The following ZFAT variants were observed in gnomAD, a reference collection of about 807,000 sequenced individuals.
The protein encoded by ZFAT is zinc finger protein ZFAT.
ZFAT carries 64 observed loss-of-function variants against 117.7 expected under a neutral mutation model. That is an observed-to-expected ratio of 0.54 (90% confidence interval 0.44 to 0.67). The LOEUF is 0.67. ZFAT is among the 30% of genes least tolerant of loss of function. The pLI, the probability that ZFAT is intolerant of heterozygous loss-of-function variation, is 0.00. For missense variants in ZFAT, 1,433 were observed against 1,584.5 expected (o/e 0.90, Z 1.62); for synonymous variants, 679 against 615.0 (o/e 1.10, Z -1.54).
chr8:134,495,999 A>G (rs745555779), intron 15 of ZFAT, among the ~76,000 whole-genome samples: 1 of 152,158 alleles, frequency 6.6e-6, no homozygotes, highest in Non-Finnish European at 1.5e-5. Flanking sequence ...CCTAGACAAC[A>G]CCAGCATCAG....
chr8:134,713,204 T>A (rs545328644), upstream of ZFAT, among the ~76,000 whole-genome samples: 2 of 152,162 alleles, frequency 1.3e-5, no homozygotes, highest in Admixed American at 1.3e-4. Flanking sequence ...CGCCGCGTTT[T>A]GAGCCACGCC....
At chr8:134,506,840 A>G (rs1819453458) in intron 15 of ZFAT, among the ~76,000 whole-genome samples, 1 of 152,256 alleles carries the variant, frequency 6.6e-6, no homozygotes, top group Non-Finnish European at 1.5e-5. Context: ...AGAGATCCAA[A>G]AAGATCTCAA....
intron 15 of ZFAT, among the ~76,000 whole-genome samples, chr8:134,503,463 T>C (rs1006324572): frequency 6.6e-6 from 1 of 152,172 alleles, no homozygotes; most frequent in African/African-American, 2.4e-5. Flanking sequence ...CCCTGAAACA[T>C]ATTTGTACAT....
chr8:134,742,935 C>T, the ZFAT span, among the ~76,000 whole-genome samples: 1 of 152,234 alleles, frequency 6.6e-6, no homozygotes, highest in East Asian at 1.9e-4. Flanking sequence ...GCCTGACACC[C>T]ATTCAGTGCA....
At chr8:134,684,213 T>C (rs749080696) in intron 1 of ZFAT, among the ~76,000 whole-genome samples, 15 of 152,118 alleles carry the variant, frequency 9.9e-5, no homozygotes, top group Non-Finnish European at 1.9e-4. Context: ...TAACACCCCA[T>C]ACCAGTGCCT....
chr8:134,633,796 A>G (rs1830037987), intron 3 of ZFAT, among the ~76,000 whole-genome samples: 1 of 152,168 alleles, frequency 6.6e-6, no homozygotes, highest in Non-Finnish European at 1.5e-5. Flanking sequence ...TATAATCCCA[A>G]CACTTTGGGA....
chr8:134,776,662 C>T, the ZFAT span, among the ~76,000 whole-genome samples: 7 of 152,272 alleles, frequency 4.6e-5, no homozygotes, highest in East Asian at 5.8e-4. Context: ...CAGTTACGTA[C>T]GAAGCCACAG....
intron 14 of ZFAT, chr8:134,510,254 G>A (rs1819720322): frequency 2.3e-6 from 1 of 429,804 alleles, no homozygotes; most frequent in Non-Finnish European, 4.8e-6. Context: ...AATTGAAGCT[G>A]GGGGTTCTAT....
chr8:134,552,407 T>A (rs1019893438), intron 11 of ZFAT, among the ~76,000 whole-genome samples: 1 of 152,234 alleles, frequency 6.6e-6, no homozygotes, highest in Non-Finnish European at 1.5e-5. Flanking sequence ...CAGGAAAAGT[T>A]TCTCAATGAT....
chr8:134,822,815 C>T, the ZFAT span, among the ~76,000 whole-genome samples: 3 of 152,264 alleles, frequency 2.0e-5, no homozygotes, highest in Middle Eastern at 3.4e-3. Flanking sequence ...ACCTACTTCT[C>T]TCACTGCAGG....
chr8:134,674,601 A>C (rs1408360340), intron 1 of ZFAT: 2 of 154,414 alleles, frequency 1.3e-5, no homozygotes, highest in Non-Finnish European at 2.9e-5. Flanking sequence ...CTCTGAAGAG[A>C]GCAGCGGTTC....
chr8:134,814,073 T>C, the ZFAT span, among the ~76,000 whole-genome samples: 5 of 152,098 alleles, frequency 3.3e-5, no homozygotes, highest in Non-Finnish European at 7.4e-5. Context: ...TACAGAAAAT[T>C]ATAAGCTCTT....
At chr8:134,579,601 T>C (rs1825577313) in intron 10 of ZFAT, among the ~76,000 whole-genome samples, 1 of 152,076 alleles carries the variant, frequency 6.6e-6, no homozygotes, top group Non-Finnish European at 1.5e-5. Flanking sequence ...AGCCAAACCA[T>C]ACATCTTCTA....
intron 1 of ZFAT, among the ~76,000 whole-genome samples, chr8:134,704,721 A>G (rs1834102575): frequency 6.6e-6 from 1 of 152,224 alleles, no homozygotes; most frequent in African/African-American, 2.4e-5. Context: ...ATAATTTTCA[A>G]GAAAAGAGCC....
At chr8:134,633,702 T>C (rs902346211) in intron 3 of ZFAT, among the ~76,000 whole-genome samples, 1 of 152,214 alleles carries the variant, frequency 6.6e-6, no homozygotes, top group Admixed American at 6.5e-5. Context: ...AGCCAACGGC[T>C]GAAACATCTG....
chr8:134,670,901 T>TA (rs1432796516), intron 1 of ZFAT, among the ~76,000 whole-genome samples: 1 of 151,764 alleles, frequency 6.6e-6, no homozygotes, highest in Non-Finnish European at 1.5e-5. Flanking sequence ...ATAGACACAA[T>TA]AAAAAATGAT....
At chr8:134,493,097 C>T (rs569728447) in intron 15 of ZFAT, among the ~76,000 whole-genome samples, 1 of 152,310 alleles carries the variant, frequency 6.6e-6, no homozygotes, top group East Asian at 1.9e-4. Context: ...TATTTTCTTT[C>T]CCGAAGGTAT....
intron 10 of ZFAT, among the ~76,000 whole-genome samples, chr8:134,579,314 A>G (rs1825549156): frequency 6.6e-6 from 1 of 152,246 alleles, no homozygotes; most frequent in African/African-American, 2.4e-5. Flanking sequence ...TTTATAAAGA[A>G]AAAGAAGTTT....
intron 12 of ZFAT, among the ~76,000 whole-genome samples, chr8:134,522,708 G>A (rs924478108): frequency 6.6e-6 from 1 of 152,098 alleles, no homozygotes; most frequent in East Asian, 1.9e-4. Context: ...TCTGACCCTG[G>A]GATGCTGAGA....
Sources: allele counts gnomAD v4.1 joint callset (sites outside exome capture counted in the v4.1 genomes callset), GRCh38; gene constraint gnomAD v4.1.1; transcripts MANE v1.5; gene names NCBI Gene and HGNC (gene_info 2026-07-23, HGNC 2026-07-21).